Variants in CDH7 observed in about 807,000 individuals in gnomAD.
The protein encoded by CDH7 is cadherin 7.
Under a neutral mutation model 71.8 loss-of-function variants are expected in CDH7, and 25 were observed. The ratio of observed to expected loss-of-function variants is 0.35; its 90% CI spans 0.25 to 0.49. The LOEUF is 0.49. CDH7 is among the 20% of genes least tolerant of loss of function. CDH7 has a pLI of 0.99. For missense variants in CDH7, 862 were observed against 974.6 expected (o/e 0.88, Z 1.54); for synonymous variants, 381 against 363.8 (o/e 1.05, Z -0.54).
At chr18:65,769,606 A>G (rs866915310) in intron 2 of CDH7, among the ~76,000 whole-genome samples, 89 of 152,318 alleles carry the variant, frequency 5.8e-4, no homozygotes, top group African/African-American at 1.9e-3. Context: ...TTGTTCTAAT[A>G]AAATATTAAA....
rs1416389286 is a variant in CDH7 at position 65,886,484 on chromosome 18, C to A, written c.*5590C>A. ...AACCATTCATATGAATTAATGATAT[C>A]CATATGTGAATGGGATTATAAATAA... On this transcript the variant is annotated 3_prime_UTR_variant, in exon 12 of 12. Coordinates refer to ENST00000397968, the MANE Select transcript of CDH7 (RefSeq NM_004361.5). The A allele has an allele frequency of 6.6e-6, 1 of 151,948 alleles. No individual in the cohort carries two copies. The highest frequency in any genetic ancestry group is 2.4e-5 in the African/African-American group (1 of 41,354). The allele number at this position is 151,948 out of a possible 1,614,324, so 9.4% of individuals were successfully genotyped here.
At chr18:65,785,416 C>G (rs1394067344) in intron 2 of CDH7, among the ~76,000 whole-genome samples, 1 of 151,854 alleles carries the variant, frequency 6.6e-6, no homozygotes, top group East Asian at 1.9e-4. Context: ...AAAGTTGTAG[C>G]ATGGAATTAA....
In CDH7 at chr18:65,885,665, CCT is replaced by C. The variant is rs1914359314; in HGVS notation, c.*4772_*4773del. The C allele has an allele frequency of 6.6e-6, 1 of 152,046 alleles. No individual in the cohort carries two copies. Among genetic ancestry groups the C allele is most frequent in the Admixed American group, 6.6e-5 (1 of 15,248 alleles). 9.4% of individuals were successfully genotyped at this position (152,046 alleles called of 1,614,324 possible). ...ACAGGCGTGAGCCACCGCGCCCGGC[CCT>C]GTGTGTGCGTTTTCATGTGTGTGAT... On this transcript the variant is annotated 3_prime_UTR_variant, in exon 12 of 12. Transcript: ENST00000397968.
Position 65,875,183 on chromosome 18 carries a change from GTAGAGCAAATA to G in CDH7, c.1865-5214_1865-5204del, listed in dbSNP as rs758246578. 2.0e-5 allele frequency among the ~76,000 whole-genome samples: 3 copies of G among 152,304 alleles called. No individual in the cohort carries two copies. In the East Asian group the frequency reaches 5.8e-4, roughly 29 times the overall value. The stretch of plus-strand genomic sequence containing the variant: ...AGCCAAAAGATTGGACACCCCTGCT[GTAGAGCAAATA>G]TAGGTGACTTCTGAAGTGTCTGCCA... On this transcript the variant is annotated intron_variant, in intron 11 of 11. Coordinates refer to ENST00000397968, the MANE Select transcript of CDH7 (RefSeq NM_004361.5).
At chr18:65,832,020 G>C (rs921645828) in intron 6 of CDH7, among the ~76,000 whole-genome samples, 3 of 152,078 alleles carry the variant, frequency 2.0e-5, no homozygotes, top group African/African-American at 7.2e-5. Context: ...AAATGTATTT[G>C]TTCTGGTGGT....
At chr18:65,830,600 C>G (rs1471879598) in intron 6 of CDH7, among the ~76,000 whole-genome samples, 4 of 30,380 alleles carry the variant, frequency 1.3e-4, no homozygotes, top group East Asian at 2.9e-3. Flanking sequence ...TTCCCTCCCC[C>G]CTTCCCTTTC....
intron 11 of CDH7, chr18:65,865,900 T>C (rs1188579226): frequency 6.6e-6 from 1 of 152,118 alleles, no homozygotes; most frequent in African/African-American, 2.4e-5. Flanking sequence ...GGTATCAGGA[T>C]TTGTAACTCA....
chr18:65,889,599 C>G lies in CDH7; in HGVS notation c.*8705C>G, dbSNP rs540086148. 1 of 152,198 alleles carries G rather than the reference C, an allele frequency of 6.6e-6. No individual in the cohort carries two copies. The highest frequency in any genetic ancestry group is 2.1e-4 in the South Asian group (1 of 4,816). The allele number at this position is 152,198 out of a possible 1,614,324, so 9.4% of individuals were successfully genotyped here. The stretch of plus-strand genomic sequence containing the variant: ...TTATCAGAAACATGACAAGAAAAAG[C>G]TTTGTGTAAAATACAGAATACAACA... On this transcript the variant is annotated 3_prime_UTR_variant, in exon 12 of 12. Transcript: ENST00000397968.
At chr18:65,810,101 T>C in intron 3 of CDH7, 103 bp downstream of exon 3, 1 of 959,694 alleles carries the variant, frequency 1.0e-6, no homozygotes, top group Non-Finnish European at 1.6e-6. Flanking sequence ...AAAACCTTAC[T>C]AGTATGTGTG....
Position 65,822,121 on chromosome 18 carries a change from T to C in CDH7, c.666T>C (p.Ala222=). Residue 222 remains alanine (A), a synonymous_variant, in exon 5 of 12, where the codon GCT becomes GCC. Transcript: ENST00000397968. ...CCCTTCCAAACATGGATAGAGAGGC[T>C]AAAGACCAGTATTTGCTTGTCATTC... is the stretch of plus-strand genomic sequence containing the variant. The part of the protein sequence containing the change: ...KTALPNMDRE[A]KDQYLLVIQA... The C allele has an allele frequency of 6.2e-7, 1 of 1,613,124 alleles. No homozygotes were observed. Among genetic ancestry groups the C allele is most frequent in the Non-Finnish European group, 8.5e-7 (1 of 1,179,208 alleles).
At chr18:65,795,728 A>G (rs546466508) in intron 2 of CDH7, among the ~76,000 whole-genome samples, 1 of 152,316 alleles carries the variant, frequency 6.6e-6, no homozygotes, top group South Asian at 2.1e-4. Flanking sequence ...GTAACATATT[A>G]TATTGACACA....
intron 2 of CDH7, among the ~76,000 whole-genome samples, chr18:65,777,742 A>C (rs1461933580): frequency 7.9e-5 from 12 of 152,148 alleles, no homozygotes. Context: ...AGAGTATATA[A>C]GAATATGGCC....
chr18:65,801,967 A>C (rs1329844572), intron 2 of CDH7, among the ~76,000 whole-genome samples: 1 of 152,356 alleles, frequency 6.6e-6, no homozygotes, highest in Admixed American at 6.5e-5. Context: ...GTACATGCAT[A>C]CCTTCTCCAA....
chr18:65,783,910 T>C (rs182967878), intron 2 of CDH7, among the ~76,000 whole-genome samples: 1 of 152,016 alleles, frequency 6.6e-6, no homozygotes, highest in African/African-American at 2.4e-5. Flanking sequence ...CATAAGAAAA[T>C]AGAAATAAAG....
intron 2 of CDH7, among the ~76,000 whole-genome samples, chr18:65,798,514 A>C (rs1408857551): frequency 6.6e-6 from 1 of 152,228 alleles, no homozygotes; most frequent in East Asian, 1.9e-4. Flanking sequence ...CATAAGAAAC[A>C]GACCTGGACC....
In CDH7 at chr18:65,843,943, A is replaced by T; in HGVS notation, c.1113A>T (p.Val371=). The stretch of plus-strand genomic sequence containing the variant: ...CTGTGAAGATAATTGTGGAAGATGT[A>T]GATGAGCCCCCTGTGTTCTCTTCAC... ...TTTVKIIVED[V]DEPPVFSSPL... The change falls in exon 7 of 12, where the codon GTA becomes GTT. Residue 371 remains valine, a synonymous_variant. Coordinates refer to ENST00000397968, the MANE Select transcript of CDH7 (RefSeq NM_004361.5). 1 of 1,611,922 alleles carries T rather than the reference A, an allele frequency of 6.2e-7. No homozygotes were observed. Among genetic ancestry groups the T allele is most frequent in the Non-Finnish European group, 8.5e-7 (1 of 1,178,732 alleles).
intron 2 of CDH7, among the ~76,000 whole-genome samples, chr18:65,786,166 C>G (rs1464564189): frequency 6.6e-6 from 1 of 151,762 alleles, no homozygotes; most frequent in African/African-American, 2.4e-5. Context: ...TGTCTGTAGA[C>G]TGAATGTACC....
At chr18:65,817,635 T>A (rs1194284796) in intron 4 of CDH7, among the ~76,000 whole-genome samples, 6 of 152,212 alleles carry the variant, frequency 3.9e-5, no homozygotes, top group African/African-American at 1.4e-4. Context: ...CAAAAACTTT[T>A]GTGATTTTGT....
intron 2 of CDH7, chr18:65,803,456 A>G (rs1356774997): frequency 1.3e-5 from 2 of 152,176 alleles, no homozygotes; most frequent in East Asian, 3.9e-4. Flanking sequence ...TAAAACAATT[A>G]ATATCTTCTT....
Sources: allele counts gnomAD v4.1 joint callset (sites outside exome capture counted in the v4.1 genomes callset), GRCh38; gene constraint gnomAD v4.1.1; transcripts MANE v1.5; gene names NCBI Gene and HGNC (gene_info 2026-07-23, HGNC 2026-07-21).